The following ANKRD28 variants were observed in gnomAD, a reference collection of about 807,000 sequenced individuals.
ANKRD28 encodes ankyrin repeat domain 28.
Under a neutral mutation model 126.5 loss-of-function variants are expected in ANKRD28, and 44 were observed. That is an observed-to-expected ratio of 0.35 (90% CI 0.27 to 0.45). The LOEUF is 0.45. Ranked by LOEUF, ANKRD28 falls within the 20% of genes least tolerant of loss-of-function variation. The pLI, the probability that ANKRD28 is intolerant of heterozygous loss-of-function variation, is 1.00. For synonymous variants in ANKRD28, 442 were observed against 468.5 expected, an observed-to-expected ratio of 0.94 and a Z score of 0.73; for missense variants, 1,110 against 1,316.6, an observed-to-expected ratio of 0.84 and a Z score of 2.43.
chr3:15,841,079 A>G (rs1259852997), intron 1 of ANKRD28, among the ~76,000 whole-genome samples: 2 of 152,212 alleles, frequency 1.3e-5, no homozygotes, highest in Non-Finnish European at 2.9e-5. Context: ...CAGAGGTTGC[A>G]GTAAGCCGAG....
intron 11 of ANKRD28, among the ~76,000 whole-genome samples, 174 bp from the exon 12 acceptor site, chr3:15,711,448 C>T (rs1184815774): frequency 6.6e-6 from 1 of 151,990 alleles, no homozygotes; most frequent in Admixed American, 6.6e-5. Flanking sequence ...TATTATTTAG[C>T]AATAAAAAGA....
intron 2 of ANKRD28, among the ~76,000 whole-genome samples, chr3:15,766,890 C>T (rs1457547654): frequency 6.6e-6 from 1 of 152,070 alleles, no homozygotes; most frequent in African/African-American, 2.4e-5. Context: ...CTAATTTTTT[C>T]GTCAGTATAT....
chr3:15,837,335 G>A (rs1262319269), intron 1 of ANKRD28, among the ~76,000 whole-genome samples: 1 of 152,052 alleles, frequency 6.6e-6, no homozygotes, highest in African/African-American at 2.4e-5. Flanking sequence ...CTGCCCAACA[G>A]CAGTATAACT....
Position 15,797,638 on chromosome 3 carries a change from A to G in ANKRD28, c.-1117T>C. The G allele has an allele frequency of 2.0e-6, 2 of 985,278 alleles. No homozygotes were observed. Among genetic ancestry groups the G allele is most frequent in the African/African-American group, 1.7e-5 (1 of 57,298 alleles). 61.0% of individuals were successfully genotyped at this position (985,278 alleles called of 1,614,324 possible). ...TGATCTCCACATGAATACAGCTTCC[A>G]TTAAACAGTCTTCATTCAGAGAAAA... On this transcript the variant is annotated 5_prime_UTR_variant, in exon 1 of 28. The change abolishes an upstream ATG in the 5' untranslated region. Transcript: ENST00000683139.
In ANKRD28 at chr3:15,677,060, T is replaced by C. The variant is rs1400079320; in HGVS notation, c.2791-4A>G. 3.1e-6 allele frequency: 5 copies of C among 1,611,638 alleles called. No individual in the cohort carries two copies. Among genetic ancestry groups the C allele is most frequent in the Admixed American group, 1.7e-5 (1 of 59,906 alleles). On this transcript the variant is annotated splice_region_variant and splice_polypyrimidine_tract_variant and intron_variant, in intron 25 of 27. Transcript: ENST00000683139. ...ACAAGGCACTAGTTTCATGACCCTA[T>C]AATTGTGGCAGATAAGTTATAAAAA...
At chr3:15,736,641 C>T (rs2075035655) in intron 5 of ANKRD28, among the ~76,000 whole-genome samples, 2 of 152,198 alleles carry the variant, frequency 1.3e-5, no homozygotes, top group African/African-American at 4.8e-5. Flanking sequence ...TTTGATGGTT[C>T]TGTCACTAAA....
At chr3:15,746,666 G>T (rs1271976334) in intron 4 of ANKRD28, among the ~76,000 whole-genome samples, 1 of 152,054 alleles carries the variant, frequency 6.6e-6, no homozygotes, top group Non-Finnish European at 1.5e-5. Flanking sequence ...ATATTGGTCT[G>T]TGGTTTTGTT....
chr3:15,730,097 C>T (rs1003802228), intron 6 of ANKRD28, among the ~76,000 whole-genome samples: 2 of 152,112 alleles, frequency 1.3e-5, no homozygotes, highest in Admixed American at 6.6e-5. Flanking sequence ...GCTCAAGGAT[C>T]TTCCCACCTC....
chr3:15,820,350 A>G (rs1283538945), intron 1 of ANKRD28, among the ~76,000 whole-genome samples: 1 of 152,204 alleles, frequency 6.6e-6, no homozygotes, highest in Non-Finnish European at 1.5e-5. Context: ...AACAAACAAC[A>G]GTGGAATCTA....
chr3:15,690,385 A>G (rs1456111983), intron 17 of ANKRD28, among the ~76,000 whole-genome samples, 165 bp from the exon 18 acceptor site: 2 of 152,236 alleles, frequency 1.3e-5, no homozygotes, highest in East Asian at 3.8e-4. Flanking sequence ...AGATCTTTCT[A>G]ATAATCAACA....
chr3:15,702,951 G>A (rs1225504138), intron 14 of ANKRD28, among the ~76,000 whole-genome samples: 3 of 151,946 alleles, frequency 2.0e-5, no homozygotes, highest in East Asian at 1.9e-4. Flanking sequence ...CTACATAGTC[G>A]TGACAGAGTT....
intron 14 of ANKRD28, among the ~76,000 whole-genome samples, chr3:15,700,035 C>T (rs946433144): frequency 1.3e-5 from 2 of 152,206 alleles, no homozygotes; most frequent in Non-Finnish European, 2.9e-5. Flanking sequence ...CACATATACA[C>T]CATGGAATAC....
chr3:15,857,568 A>T (rs56405857), intron 1 of ANKRD28, among the ~76,000 whole-genome samples: 3 of 152,216 alleles, frequency 2.0e-5, no homozygotes, highest in Admixed American at 2.0e-4. Flanking sequence ...TACAGGCGTG[A>T]GCCACCGCGC....
chr3:15,726,715 C>G (rs1188382636), intron 6 of ANKRD28, among the ~76,000 whole-genome samples: 1 of 152,234 alleles, frequency 6.6e-6, no homozygotes, highest in African/African-American at 2.4e-5. Flanking sequence ...AGCAGATTTT[C>G]AATGCAGATG....
In ANKRD28 at chr3:15,797,620, C is replaced by T; in HGVS notation, c.-1099G>A. 1 of 985,110 alleles carries T rather than the reference C, an allele frequency of 1.0e-6. No individual in the cohort carries two copies. The highest frequency in any genetic ancestry group is 1.2e-6 in the Non-Finnish European group (1 of 829,882). The allele number at this position is 985,110 out of a possible 1,614,324, so 61.0% of individuals were successfully genotyped here. A position where few individuals can be genotyped will look rare whatever the true frequency, so the allele number is the denominator to read the frequency against. On this transcript the variant is annotated 5_prime_UTR_variant, in exon 1 of 28. It introduces an in-frame stop codon into an upstream open reading frame of the 5' UTR. Transcript: ENST00000683139. The stretch of plus-strand genomic sequence containing the variant: ...TCATTCCAGTGTTTCCTTTGATCTC[C>T]ACATGAATACAGCTTCCATTAAACA...
chr3:15,772,428 A>G (rs531859568), intron 2 of ANKRD28, among the ~76,000 whole-genome samples: 11 of 152,288 alleles, frequency 7.2e-5, no homozygotes, highest in African/African-American at 2.4e-4. Context: ...ACAAAAAACA[A>G]AAAAACCCAG....
At chr3:15,847,188 C>T (rs1277370643) in intron 1 of ANKRD28, among the ~76,000 whole-genome samples, 1 of 152,014 alleles carries the variant, frequency 6.6e-6, no homozygotes, top group Non-Finnish European at 1.5e-5. Flanking sequence ...AAGTAAAGAA[C>T]TTGGAGCAAA....
intron 3 of ANKRD28, among the ~76,000 whole-genome samples, chr3:15,762,224 A>C (rs186334695): frequency 0.1 from 10,996 of 105,118 alleles, 523 homozygotes; most frequent in Middle Eastern, 0.14. Flanking sequence ...CAAAACAAAA[A>C]AAAAAAAACT....
At chr3:15,828,717 G>T (rs527640418) in intron 1 of ANKRD28, among the ~76,000 whole-genome samples, 166 of 152,006 alleles carry the variant, frequency 1.1e-3, no homozygotes, top group Middle Eastern at 6.8e-3. Context: ...AGATTTTCCC[G>T]ATTTCCTCTG....
Sources: gnomAD v4.1 joint callset for allele counts (sites outside exome capture counted in the v4.1 genomes callset) on GRCh38, gnomAD v4.1.1 for gene constraint, MANE v1.5 for transcripts, NCBI Gene and HGNC (gene_info 2026-07-23, HGNC 2026-07-21) for gene names.